The following TBCK variants were observed in gnomAD, a reference collection of about 807,000 sequenced individuals.
The protein encoded by TBCK is TBC1 domain containing kinase.
A neutral mutation model predicts 113.4 loss-of-function variants in TBCK; 99 were observed. The observed-to-expected ratio is 0.87, with a 90% CI of 0.74 to 1.03. The LOEUF is 1.03. Among genes scored for constraint, TBCK ranks in the 50% least tolerant of loss-of-function variants. TBCK has a pLI of 0.00. For synonymous variants in TBCK, 369 were observed against 370.8 expected (o/e 1.00, Z 0.05); for missense variants, 1,045 against 1,061.3 (o/e 0.98, Z 0.21).
In TBCK at chr4:106,232,956, C is replaced by G; in HGVS notation, c.1621G>C (p.Asp541His). 6.2e-7 allele frequency: 1 copy of G among 1,611,342 alleles called. No individual in the cohort carries two copies. The highest frequency in any genetic ancestry group is 8.5e-7 in the Non-Finnish European group (1 of 1,178,322). ...VLKAWVVSHP[D>H]LVYWQGLDSL... Reference sequence around the variant, plus strand: ...AAGTTACCTTGCCAATACACAAGATCAGGATGAGACACTACCCAGGCTTTT... The same window carrying G: ...AAGTTACCTTGCCAATACACAAGATGAGGATGAGACACTACCCAGGCTTTT... The change falls in exon 17 of 26, where the codon GAT (aspartate) becomes CAT (histidine). Residue 541 changes from aspartate (D) to histidine (H), a missense_variant. Transcript: ENST00000394708.
rs144658573 is a variant in TBCK, at chr4:106,112,130, G to A, written c.2411+4073C>T. The stretch of plus-strand genomic sequence containing the variant: ...AGAATGGGTTTTTTGCTCACATACC[G>A]GGACTAAAACACTCTTTCCCTATAT... On this transcript the variant is annotated intron_variant, in intron 24 of 25. Coordinates refer to ENST00000394708, the MANE Select transcript of TBCK (RefSeq NM_001163435.3). 5.8e-3 allele frequency among the ~76,000 whole-genome samples: 865 copies of A among 150,412 alleles called. 10 individuals are homozygous for A. Among genetic ancestry groups the A allele is most frequent in the African/African-American group, 0.02 (835 of 41,006 alleles).
intron 23 of TBCK, among the ~76,000 whole-genome samples, chr4:106,134,634 A>AT (rs1746354188): frequency 6.6e-6 from 1 of 152,202 alleles, no homozygotes; most frequent in African/African-American, 2.4e-5. Flanking sequence ...AGTAGTGGGC[A>AT]TTTTTAGCCA....
chr4:106,213,935 A>G (rs1186786724), intron 19 of TBCK, among the ~76,000 whole-genome samples: 1 of 152,160 alleles, frequency 6.6e-6, no homozygotes, highest in African/African-American at 2.4e-5. Flanking sequence ...AAACAAAAAG[A>G]CAGCAGTAAC....
intron 4 of TBCK, among the ~76,000 whole-genome samples, chr4:106,261,468 C>T (rs1762499636): frequency 6.6e-6 from 1 of 151,838 alleles, no homozygotes; most frequent in Non-Finnish European, 1.5e-5. Flanking sequence ...CAAATAATGC[C>T]CATGAAAAAA....
chr4:106,310,498 T>C (rs1231625064), intron 1 of TBCK: 8 of 152,162 alleles, frequency 5.3e-5, no homozygotes, highest in African/African-American at 1.9e-4. Flanking sequence ...ACATTGGCAG[T>C]TATTTACACT....
At chr4:106,208,742 C>A (rs1196966171) in intron 20 of TBCK, among the ~76,000 whole-genome samples, 3 of 152,122 alleles carry the variant, frequency 2.0e-5, no homozygotes, top group Non-Finnish European at 2.9e-5. Flanking sequence ...CTCCTGCTTG[C>A]CAAACAATGG....
chr4:106,092,513 G>T (rs1740397556), intron 25 of TBCK, among the ~76,000 whole-genome samples: 1 of 152,220 alleles, frequency 6.6e-6, no homozygotes, highest in South Asian at 2.1e-4. Context: ...GGAGGCTCAG[G>T]CATGGTGGGC....
At chr4:106,260,573 A>G (rs1762413785) in intron 4 of TBCK, 63 bp from the exon 5 acceptor site, 1 of 511,644 alleles carries the variant, frequency 2.0e-6, no homozygotes, top group African/African-American at 2.0e-5. Context: ...CATATAATTT[A>G]TATTATAAAA....
chr4:106,087,049 T>A (rs1437579014), intron 25 of TBCK, among the ~76,000 whole-genome samples: 1 of 152,082 alleles, frequency 6.6e-6, no homozygotes, highest in African/African-American at 2.4e-5. Context: ...CTCTCACCAC[T>A]CCTATTCAAC....
At chr4:106,191,954 T>C (rs993431681) in intron 22 of TBCK, among the ~76,000 whole-genome samples, 5 of 152,200 alleles carry the variant, frequency 3.3e-5, no homozygotes, top group Non-Finnish European at 7.4e-5. Context: ...ATAACATCTC[T>C]TGAATGATCA....
At chr4:106,305,142 T>G (rs576426836) in intron 2 of TBCK, among the ~76,000 whole-genome samples, 18 of 152,082 alleles carry the variant, frequency 1.2e-4, no homozygotes, top group Admixed American at 9.8e-4. Flanking sequence ...GTAGAGAAAG[T>G]TTTTTTTCCT....
At chr4:106,301,127 A>G (rs559577866) in intron 2 of TBCK, among the ~76,000 whole-genome samples, 4 of 151,880 alleles carry the variant, frequency 2.6e-5, no homozygotes, top group Admixed American at 2.6e-4. Context: ...AATTCCCAGC[A>G]ATTCTTTTTT....
intron 25 of TBCK, among the ~76,000 whole-genome samples, chr4:106,077,033 A>T (rs1354807447): frequency 6.6e-6 from 1 of 152,154 alleles, no homozygotes; most frequent in Non-Finnish European, 1.5e-5. Flanking sequence ...CCCAGGATGC[A>T]GAGGTTGCAG....
chr4:106,310,271 T>C (rs1768051416), intron 1 of TBCK: 1 of 152,182 alleles, frequency 6.6e-6, no homozygotes, highest in African/African-American at 2.4e-5. Context: ...GAAAGATTTC[T>C]AGAAACTTGT....
chr4:106,124,856 T>G (rs966996370), intron 23 of TBCK, among the ~76,000 whole-genome samples: 9 of 142,566 alleles, frequency 6.3e-5, no homozygotes, highest in Non-Finnish European at 9.2e-5. Context: ...TGTTGTGGGC[T>G]GGGGGGAGGG....
At chr4:106,144,293 C>A (rs1395582823) in intron 23 of TBCK, among the ~76,000 whole-genome samples, 1 of 152,104 alleles carries the variant, frequency 6.6e-6, no homozygotes, top group Non-Finnish European at 1.5e-5. Context: ...AGCTCTGTTT[C>A]GAATAAAAGT....
At chr4:106,177,826 AT>A (rs1039808250) in intron 22 of TBCK, among the ~76,000 whole-genome samples, 25 of 152,068 alleles carry the variant, frequency 1.6e-4, no homozygotes, top group African/African-American at 5.8e-4. Flanking sequence ...CTGTGGTTCC[AT>A]AAAAATTTTA....
intron 23 of TBCK, among the ~76,000 whole-genome samples, chr4:106,166,582 C>G (rs1750395175): frequency 6.6e-6 from 1 of 151,314 alleles, no homozygotes; most frequent in Admixed American, 6.6e-5. Context: ...ACCACAGTAC[C>G]CAATAGGTAA....
chr4:106,136,377 CAGG>C lies in TBCK; in HGVS notation c.2236-20002_2236-20000del, dbSNP rs1312817953. ...CTGCAACTTGGTTTCTGTCATGATACAGGAGGAGTAGTTCATTTGGCCAGAAAA... is the reference window on the plus strand; with the variant it reads ...CTGCAACTTGGTTTCTGTCATGATACAGGAGTAGTTCATTTGGCCAGAAAA... On this transcript the variant is annotated intron_variant, in intron 23 of 25. Transcript: ENST00000394708. Among the ~76,000 whole-genome samples, 3 of 141,180 alleles carry C rather than the reference CAGG, an allele frequency of 2.1e-5. No individual in the cohort carries two copies. In the East Asian group the frequency reaches 6.1e-4, roughly 29 times the overall value. 92.6% of individuals were successfully genotyped at this position (141,180 alleles called of 152,430 possible). A position where few individuals can be genotyped will look rare whatever the true frequency, so the allele number is the denominator to read the frequency against.
Sources: allele counts gnomAD v4.1 joint callset (sites outside exome capture counted in the v4.1 genomes callset), GRCh38; gene constraint gnomAD v4.1.1; transcripts MANE v1.5; gene names NCBI Gene and HGNC (gene_info 2026-07-23, HGNC 2026-07-21).